KCND3: variants seen among roughly 807,000 people sequenced by gnomAD.
KCND3 encodes A-type voltage-gated potassium channel KCND3.
Under a neutral mutation model 51.1 loss-of-function variants are expected in KCND3, and 9 were observed. The ratio of observed to expected loss-of-function variants is 0.18; its 90% CI spans 0.11 to 0.31. KCND3 has a LOEUF of 0.31. Ranked by LOEUF, KCND3 falls within the 10% of genes least tolerant of loss-of-function variation. KCND3 has a pLI of 1.00. For missense variants in KCND3, 526 were observed against 903.8 expected (o/e 0.58, Z 5.36); for synonymous variants, 349 against 368.0 (o/e 0.95, Z 0.59).
At chr1:111,819,914 G>A (rs988565853) in intron 2 of KCND3, among the ~76,000 whole-genome samples, 10 of 152,176 alleles carry the variant, frequency 6.6e-5, no homozygotes, top group African/African-American at 2.4e-4. Context: ...GACCAGGAAA[G>A]CTTTCCTTGG....
chr1:111,885,775 C>T (rs1423740730), intron 2 of KCND3, among the ~76,000 whole-genome samples: 2 of 151,980 alleles, frequency 1.3e-5, no homozygotes, highest in African/African-American at 2.4e-5. Context: ...TGGTTTCAAG[C>T]GATTCTCCTG....
chr1:111,903,485 T>C (rs934785949), intron 2 of KCND3, among the ~76,000 whole-genome samples: 2 of 152,254 alleles, frequency 1.3e-5, no homozygotes, highest in African/African-American at 4.8e-5. Flanking sequence ...CTCAGAGTGA[T>C]GCTGCAGAGT....
At chr1:111,898,772 G>T (rs1670247044) in intron 2 of KCND3, among the ~76,000 whole-genome samples, 1 of 152,120 alleles carries the variant, frequency 6.6e-6, no homozygotes, top group African/African-American at 2.4e-5. Context: ...GGTCCAGACA[G>T]CTTCCACTGA....
At chr1:111,875,547 C>T (rs1209997025) in intron 2 of KCND3, among the ~76,000 whole-genome samples, 1 of 152,092 alleles carries the variant, frequency 6.6e-6, no homozygotes, top group Non-Finnish European at 1.5e-5. Flanking sequence ...CCAAGGGGAC[C>T]CTGAGGATCA....
chr1:111,941,113 T>C (rs1202410439), intron 2 of KCND3, among the ~76,000 whole-genome samples: 1 of 152,054 alleles, frequency 6.6e-6, no homozygotes, highest in East Asian at 1.9e-4. Context: ...TTACCTCAGA[T>C]GAGTGGCAGC....
intron 2 of KCND3, among the ~76,000 whole-genome samples, chr1:111,804,665 T>C (rs1665479727): frequency 6.6e-6 from 1 of 152,358 alleles, no homozygotes. Flanking sequence ...GAATGCTTAC[T>C]ATGTGCCAGG....
chr1:111,929,674 G>A (rs866651180), intron 2 of KCND3, among the ~76,000 whole-genome samples: 4 of 152,186 alleles, frequency 2.6e-5, no homozygotes, highest in South Asian at 4.1e-4. Context: ...GGGATCCCAC[G>A]ACTGCCTCTC....
chr1:111,783,199 C>CAAAAAA (rs67241053), intron 3 of KCND3, among the ~76,000 whole-genome samples: 29 of 72,304 alleles, frequency 4.0e-4, no homozygotes, highest in South Asian at 6.2e-4. Flanking sequence ...AATTCAAAGA[C>CAAAAAA]AAAAAAAAAA....
intron 2 of KCND3, among the ~76,000 whole-genome samples, chr1:111,948,729 G>A (rs900285553): frequency 2.6e-5 from 4 of 152,102 alleles, no homozygotes; most frequent in African/African-American, 9.7e-5. Context: ...CTCACTGCCA[G>A]GAGGGCTGGG....
At chr1:111,964,082 C>T (rs1488186249) in intron 2 of KCND3, among the ~76,000 whole-genome samples, 1 of 152,146 alleles carries the variant, frequency 6.6e-6, no homozygotes, top group Admixed American at 6.5e-5. Flanking sequence ...TATTGTGATT[C>T]GGCAGAAGGA....
intron 2 of KCND3, among the ~76,000 whole-genome samples, chr1:111,905,758 C>T (rs1670620717): frequency 6.6e-6 from 1 of 152,124 alleles, no homozygotes; most frequent in Non-Finnish European, 1.5e-5. Flanking sequence ...TCAGAATCAC[C>T]TGGGCAGTTT....
intron 2 of KCND3, among the ~76,000 whole-genome samples, chr1:111,965,151 C>T (rs917188382): frequency 6.6e-6 from 1 of 150,808 alleles, no homozygotes; most frequent in African/African-American, 2.4e-5. Flanking sequence ...CAGGAAAGAT[C>T]CCCCAGCAAT....
chr1:111,845,928 T>C (rs1289016378), intron 2 of KCND3, among the ~76,000 whole-genome samples: 2 of 152,092 alleles, frequency 1.3e-5, no homozygotes, highest in Non-Finnish European at 1.5e-5. Context: ...CACCACCATA[T>C]CCTAAAGGTC....
chr1:111,920,660 T>A (rs568146678), intron 2 of KCND3, among the ~76,000 whole-genome samples: 2 of 152,278 alleles, frequency 1.3e-5, no homozygotes, highest in Non-Finnish European at 2.9e-5. Flanking sequence ...CACTCCAGGC[T>A]CCTCCTACTT....
At chr1:111,909,551 A>C in intron 2 of KCND3, 1 of 152,262 alleles carries the variant, frequency 6.6e-6, no homozygotes, top group Non-Finnish European at 1.5e-5. Flanking sequence ...TACGTGATAC[A>C]TATGAAGGAT....
chr1:111,836,602 G>A (rs913496745), intron 2 of KCND3, among the ~76,000 whole-genome samples: 64 of 152,138 alleles, frequency 4.2e-4, no homozygotes, highest in African/African-American at 1.4e-3. Flanking sequence ...CAAGGGCAGT[G>A]ACCATCTCAC....
chr1:111,808,182 G>C (rs914441492), intron 2 of KCND3, among the ~76,000 whole-genome samples: 1 of 152,238 alleles, frequency 6.6e-6, no homozygotes, highest in East Asian at 1.9e-4. Context: ...GGATAGAGAA[G>C]TAGGAACTCA....
At chr1:111,896,902 G>C (rs1200928747) in intron 2 of KCND3, among the ~76,000 whole-genome samples, 1 of 152,182 alleles carries the variant, frequency 6.6e-6, no homozygotes. Flanking sequence ...TGTTACAGGG[G>C]TTACACACAT....
At chr1:111,791,861 A>T (rs1664843735) in intron 2 of KCND3, among the ~76,000 whole-genome samples, 1 of 152,238 alleles carries the variant, frequency 6.6e-6, no homozygotes, top group South Asian at 2.1e-4. Context: ...GTTTAAAAAG[A>T]GTCTCTGTTA....
Sources: gnomAD v4.1 joint callset for allele counts (sites outside exome capture counted in the v4.1 genomes callset) on GRCh38, gnomAD v4.1.1 for gene constraint, MANE v1.5 for transcripts, NCBI Gene and HGNC (gene_info 2026-07-23, HGNC 2026-07-21) for gene names.